The following B3GLCT variants were observed in gnomAD, a reference collection of about 807,000 sequenced individuals.
The protein encoded by B3GLCT is beta-1,3-glucosyltransferase.
B3GLCT carries 65 observed loss-of-function variants against 63.4 expected under a neutral mutation model. The ratio of observed to expected loss-of-function variants is 1.03; its 90% CI spans 0.84 to 1.26. B3GLCT has a LOEUF of 1.26. Among genes scored for constraint, B3GLCT ranks in the 50% most tolerant of loss-of-function variants. The probability of loss-of-function intolerance (pLI) is 0.00; values close to 1 mark genes in which losing one functional copy is unlikely to be tolerated. For synonymous variants in B3GLCT, 233 were observed against 219.2 expected (o/e 1.06, Z -0.55); for missense variants, 577 against 604.8 (o/e 0.95, Z 0.48).
intron 4 of B3GLCT, among the ~76,000 whole-genome samples, chr13:31,240,845 A>C (rs1284325255): frequency 6.6e-6 from 1 of 152,222 alleles, no homozygotes; most frequent in Non-Finnish European, 1.5e-5. Context: ...TGTTGAATGC[A>C]AATTTATCGA....
chr13:31,296,289 T>C (rs1593304293), intron 12 of B3GLCT, among the ~76,000 whole-genome samples: 1 of 152,340 alleles, frequency 6.6e-6, no homozygotes, highest in East Asian at 1.9e-4. Context: ...TGTTTTGTTT[T>C]GTTTTGTTTG....
intron 1 of B3GLCT, among the ~76,000 whole-genome samples, chr13:31,204,079 G>A (rs1021497087): frequency 6.6e-6 from 1 of 152,192 alleles, no homozygotes; most frequent in African/African-American, 2.4e-5. Flanking sequence ...GTGATGTTAA[G>A]CAGTAATGAC....
chr13:31,324,060 T>TAC (rs1875482605), intron 14 of B3GLCT, among the ~76,000 whole-genome samples, 165 bp downstream of exon 14: 1 of 152,236 alleles, frequency 6.6e-6, no homozygotes, highest in African/African-American at 2.4e-5. Context: ...CTGTTTGATG[T>TAC]ACACACTGTC....
At chr13:31,224,763 C>G (rs1467742565) in intron 3 of B3GLCT, among the ~76,000 whole-genome samples, 1 of 151,956 alleles carries the variant, frequency 6.6e-6, no homozygotes, top group Non-Finnish European at 1.5e-5. Context: ...CATATTTTTT[C>G]CTCAACTTTA....
intron 2 of B3GLCT, among the ~76,000 whole-genome samples, chr13:31,216,920 A>C (rs1869594812): frequency 6.6e-6 from 1 of 152,188 alleles, no homozygotes; most frequent in Non-Finnish European, 1.5e-5. Flanking sequence ...ATATGTGTGC[A>C]TGTGTCTTTA....
At chr13:31,286,698 G>GT (rs760615547) in intron 11 of B3GLCT, 22 bp from the exon 12 acceptor site, 11 of 1,466,142 alleles carry the variant, frequency 7.5e-6, no homozygotes, top group South Asian at 5.7e-5. Context: ...TACATTGTAA[G>GT]TTTTTTTCTT....
At chr13:31,209,520 T>G (rs1207780851) in intron 1 of B3GLCT, among the ~76,000 whole-genome samples, 2 of 152,120 alleles carry the variant, frequency 1.3e-5, no homozygotes, top group Non-Finnish European at 2.9e-5. Flanking sequence ...AGAAAAGAAG[T>G]GGCAGCCTGC....
intron 6 of B3GLCT, among the ~76,000 whole-genome samples, chr13:31,252,036 A>T (rs1871453314): frequency 6.6e-6 from 1 of 152,218 alleles, no homozygotes; most frequent in Non-Finnish European, 1.5e-5. Flanking sequence ...AAACCCTACA[A>T]GCCAGAAGAG....
intron 4 of B3GLCT, among the ~76,000 whole-genome samples, chr13:31,232,724 C>T (rs192082510): frequency 1.2e-4 from 19 of 152,322 alleles, no homozygotes; most frequent in Middle Eastern, 3.4e-3. Flanking sequence ...CTTGAGCCGC[C>T]GTGCTAAGCT....
intron 1 of B3GLCT, among the ~76,000 whole-genome samples, chr13:31,202,679 G>A (rs1467803491): frequency 6.6e-6 from 1 of 152,148 alleles, no homozygotes; most frequent in Non-Finnish European, 1.5e-5. Context: ...GAGATTGTTT[G>A]GTGGGGCTCC....
At chr13:31,272,390 G>C (rs1351679525) in intron 8 of B3GLCT, among the ~76,000 whole-genome samples, 3 of 151,316 alleles carry the variant, frequency 2.0e-5, no homozygotes, top group Admixed American at 2.0e-4. Context: ...AATTTTTTTT[G>C]TATTTTTAGT....
At chr13:31,270,766 C>T (rs1872545755) in intron 8 of B3GLCT, among the ~76,000 whole-genome samples, 1 of 152,114 alleles carries the variant, frequency 6.6e-6, no homozygotes, top group South Asian at 2.1e-4. Context: ...ATTTTGCATC[C>T]TTTTGGGCTT....
intron 10 of B3GLCT, among the ~76,000 whole-genome samples, chr13:31,284,164 G>T (rs1188691246): frequency 6.6e-6 from 1 of 152,146 alleles, no homozygotes; most frequent in Admixed American, 6.5e-5. Context: ...GTACAACATC[G>T]TAATATCAGT....
intron 4 of B3GLCT, among the ~76,000 whole-genome samples, chr13:31,237,353 GTTT>G (rs372747180): frequency 7.6e-6 from 1 of 130,958 alleles, no homozygotes; most frequent in Non-Finnish European, 1.6e-5. Context: ...GCTGGAGGCT[GTTT>G]TTTTTTTTTT....
intron 4 of B3GLCT, among the ~76,000 whole-genome samples, chr13:31,234,485 T>G (rs1017754427): frequency 2.6e-5 from 4 of 152,154 alleles, no homozygotes; most frequent in African/African-American, 9.7e-5. Context: ...GCCTACCTAT[T>G]AGGCACTAGC....
intron 13 of B3GLCT, 110 bp downstream of exon 13, chr13:31,317,795 A>C (rs1275610932): frequency 1.5e-6 from 2 of 1,326,924 alleles, no homozygotes; most frequent in East Asian, 2.4e-5. Context: ...TACTCTGTGA[A>C]TGGTGGTTGT....
At chr13:31,207,251 T>C (rs1396030263) in intron 1 of B3GLCT, among the ~76,000 whole-genome samples, 2 of 152,152 alleles carry the variant, frequency 1.3e-5, no homozygotes, top group African/African-American at 2.4e-5. Flanking sequence ...TGTTCCATAG[T>C]ACACTTGCAA....
At chr13:31,222,027 T>C (rs1382341968) in intron 2 of B3GLCT, among the ~76,000 whole-genome samples, 2 of 152,012 alleles carry the variant, frequency 1.3e-5, no homozygotes, top group Non-Finnish European at 2.9e-5. Context: ...TCCAGATTTC[T>C]GTGTCTGGAG....
intron 12 of B3GLCT, among the ~76,000 whole-genome samples, chr13:31,291,183 T>C (rs1392138018): frequency 6.6e-6 from 1 of 152,238 alleles, no homozygotes; most frequent in African/African-American, 2.4e-5. Context: ...GAGGCCTCTG[T>C]TCTATTCCAT....
Sources: gnomAD v4.1 joint callset for allele counts (sites outside exome capture counted in the v4.1 genomes callset) on GRCh38, gnomAD v4.1.1 for gene constraint, MANE v1.5 for transcripts, NCBI Gene and HGNC (gene_info 2026-07-23, HGNC 2026-07-21) for gene names.